Variants in ZNF470 observed in about 807,000 individuals in gnomAD.
The protein encoded by ZNF470 is chondrogenesis zinc finger protein 1.
Under a neutral mutation model 13.9 loss-of-function variants are expected in ZNF470, and 13 were observed. The observed-to-expected ratio is 0.94, with a 90% CI of 0.61 to 1.49. The LOEUF is 1.49. Ranked by LOEUF, ZNF470 falls within the 40% of genes most tolerant of loss-of-function variation. The probability of loss-of-function intolerance (pLI) is 0.00; values close to 1 mark genes in which losing one functional copy is unlikely to be tolerated. For missense variants in ZNF470, 929 were observed against 857.3 expected, an observed-to-expected ratio of 1.08 and a Z score of -1.04; for synonymous variants, 293 against 282.9, an observed-to-expected ratio of 1.04 and a Z score of -0.36.
chr19:56,578,528 C>G lies in ZNF470; in HGVS notation c.2099C>G (p.Thr700Ser). The change falls in exon 6 of 6, where the codon ACC becomes AGC. Residue 700 changes from threonine (T) to serine (S), a missense_variant. Coordinates refer to ENST00000330619, the MANE Select transcript of ZNF470 (RefSeq NM_001001668.4). ...CTTGCTCATCATCAGCGAATTCATA[C>G]CGGAGAGTCATCAGTTATTCTCTCC... ...VHLAHHQRIH[T>S]GESSVILSSA... The G allele has an allele frequency of 1.9e-6, 3 of 1,592,744 alleles. No homozygotes were observed. Among genetic ancestry groups the G allele is most frequent in the Non-Finnish European group, 8.6e-7 (1 of 1,169,492 alleles).
rs575632418 is a variant in ZNF470, at chr19:56,568,792, C to T, written c.-124C>T. 20 of 152,262 alleles carry T rather than the reference C, an allele frequency of 1.3e-4. No individual in the cohort carries two copies. The highest frequency in any genetic ancestry group is 1.0e-3 in the Admixed American group (16 of 15,298). The allele number at this position is 152,262 out of a possible 1,614,324, so 9.4% of individuals were successfully genotyped here. ...CAGAAGCATAGAGAGGATAAGTAAT[C>T]ACTAGCAAGTGGAAGAACCGGGATT... On this transcript the variant is annotated 5_prime_UTR_variant, in exon 2 of 6. Coordinates refer to ENST00000330619, the MANE Select transcript of ZNF470 (RefSeq NM_001001668.4).
At chr19:56,574,031 T>G in intron 3 of ZNF470, 259 of 751,176 alleles carry the variant, frequency 3.4e-4, no homozygotes, top group South Asian at 4.3e-4. Flanking sequence ...CAGAGCTCTT[T>G]AGCTTCTCCA....
chr19:56,578,314 G>A lies in ZNF470; in HGVS notation c.1885G>A (p.Ala629Thr), dbSNP rs1429184661. The A allele has an allele frequency of 6.2e-7, 1 of 1,613,102 alleles. No individual in the cohort carries two copies. The highest frequency in any genetic ancestry group is 1.7e-5 in the Admixed American group (1 of 59,920). ...TTATGAATGTAATGTTTGTGGGAAA[G>A]CCTTTAGCCATCGTAAATCCCTTAC... Reference protein sequence around the residue: ...KPYECNVCGKAFSHRKSLTLH... With the variant: ...KPYECNVCGKTFSHRKSLTLH... The change falls in exon 6 of 6, where the codon GCC (alanine) becomes ACC (threonine). Residue 629 changes from alanine to threonine, a missense_variant. By Grantham distance (58) the Ala-to-Thr change is moderately conservative. Transcript: ENST00000330619.
rs1378522578 is a variant in ZNF470, at chr19:56,579,339, T to C, written c.*756T>C. The stretch of plus-strand genomic sequence containing the variant: ...CAGGAGGCTGAAGCAGGAGGATTGC[T>C]TGAGCCCAGGAGGTAGAGGTTGCAG... On this transcript the variant is annotated 3_prime_UTR_variant, in exon 6 of 6. Transcript: ENST00000330619. The C allele has an allele frequency of 2.5e-5, 18 of 726,686 alleles. No homozygotes were observed. Among genetic ancestry groups the C allele is most frequent in the Non-Finnish European group, 2.9e-5 (17 of 594,250 alleles). 45.0% of individuals were successfully genotyped at this position (726,686 alleles called of 1,614,324 possible).
chr19:56,576,126 A>G (rs1382158514), intron 5 of ZNF470, among the ~76,000 whole-genome samples: 2 of 152,198 alleles, frequency 1.3e-5, no homozygotes, highest in Non-Finnish European at 2.9e-5. Context: ...AATCATGTGA[A>G]TCTATTTTCC....
rs746224654 is a variant in ZNF470, at chr19:56,577,695, G to C, written c.1266G>C (p.Glu422Asp). The C allele has an allele frequency of 8.1e-6, 13 of 1,611,204 alleles. No homozygotes were observed. In the Admixed American group the frequency reaches 2.0e-4, roughly 25 times the overall value. The change falls in exon 6 of 6, where the codon GAG (glutamate) becomes GAC (aspartate). Residue 422 changes from glutamate to aspartate, a missense_variant. By Grantham distance (45) the Glu-to-Asp change is conservative. Transcript: ENST00000330619. ...AGCATAAGAGAACTCATACTGGAGA[G>C]AGACCTTACAAATGTAATGTGTGTG... ...LIQHKRTHTG[E>D]RPYKCNVCGK...
In ZNF470 at chr19:56,571,156, G is replaced by C. The variant is rs2044449248; in HGVS notation, c.60+785G>C. 2.0e-5 allele frequency among the ~76,000 whole-genome samples: 3 copies of C among 152,316 alleles called. No homozygotes were observed. The South Asian group carries it at 6.2e-4, about 32-fold the overall frequency. The stretch of plus-strand genomic sequence containing the variant: ...ATGCAAAGGTTTGTTCTCCCCATTT[G>C]ACCATGGAGCCGTGAACATCTTAAA... On this transcript the variant is annotated intron_variant, in intron 3 of 5. Coordinates refer to ENST00000330619, the MANE Select transcript of ZNF470 (RefSeq NM_001001668.4).
rs2044512142 is a variant in ZNF470 at position 56,578,625 on chromosome 19, C to G, written c.*42C>G. The G allele has an allele frequency of 6.9e-7, 1 of 1,449,860 alleles. No homozygotes were observed. Among genetic ancestry groups the G allele is most frequent in the Non-Finnish European group, 9.1e-7 (1 of 1,097,684 alleles). 89.8% of individuals were successfully genotyped at this position (1,449,860 alleles called of 1,614,324 possible). A position where few individuals can be genotyped will look rare whatever the true frequency, so the allele number is the denominator to read the frequency against. The stretch of plus-strand genomic sequence containing the variant: ...GCTTCTAGCATCCATCTGCTTTTTT[C>G]CAGCACATGTCCCATCATCATAGTC... On this transcript the variant is annotated 3_prime_UTR_variant, in exon 6 of 6. Transcript: ENST00000330619.
At position 56,577,505 on chromosome 19, in the gene ZNF470, G is replaced by A. The variant is rs369287651; in HGVS notation, c.1076G>A (p.Arg359Gln). ...FSDCSSLAHH[R>Q]RIHTGKRPYE... The stretch of plus-strand genomic sequence containing the variant: ...GATTGCTCATCCCTAGCTCATCATC[G>A]AAGGATTCACACTGGGAAAAGACCT... The change falls in exon 6 of 6, where the codon CGA (arginine) becomes CAA (glutamine). Residue 359 changes from arginine (R) to glutamine (Q), a missense_variant. By Grantham distance (43) the Arg-to-Gln change is conservative (BLOSUM62 1). Coordinates refer to ENST00000330619, the MANE Select transcript of ZNF470 (RefSeq NM_001001668.4). The A allele has an allele frequency of 1.2e-5, 19 of 1,612,668 alleles. No homozygotes were observed. The highest frequency in any genetic ancestry group is 3.3e-5 in the Admixed American group (2 of 59,838).
At chr19:56,572,353 A>AT in intron 3 of ZNF470, among the ~76,000 whole-genome samples, 1 of 42,800 alleles carries the variant, frequency 2.3e-5, no homozygotes, top group African/African-American at 2.0e-4. Context: ...AAAAAAAAAA[A>AT]AAAAAAAAAA....
At position 56,574,529 on chromosome 19, in the gene ZNF470, A is replaced by G; in HGVS notation, c.187+9A>G. Reference sequence around the variant, plus strand: ...GAACCTAGTTTCAGTGGGTAAGAGTATCTTCCTCCTGTTGCCTCCCCATGA... The same window carrying G: ...GAACCTAGTTTCAGTGGGTAAGAGTGTCTTCCTCCTGTTGCCTCCCCATGA... On this transcript the variant is annotated intron_variant, in intron 4 of 5. Transcript: ENST00000330619. 3.1e-6 allele frequency: 5 copies of G among 1,613,592 alleles called. No homozygotes were observed. The highest frequency in any genetic ancestry group is 4.2e-6 in the Non-Finnish European group (5 of 1,179,648).
At position 56,576,849 on chromosome 19, in the gene ZNF470, A is replaced by G. The variant is rs2044492122; in HGVS notation, c.420A>G (p.Lys140=). The G allele has an allele frequency of 6.3e-7, 1 of 1,595,118 alleles. No individual in the cohort carries two copies. Among genetic ancestry groups the G allele is most frequent in the Non-Finnish European group, 8.5e-7 (1 of 1,174,460 alleles). The change falls in exon 6 of 6, where the codon AAA becomes AAG. Residue 140 remains lysine (K), a synonymous_variant. Coordinates refer to ENST00000330619, the MANE Select transcript of ZNF470 (RefSeq NM_001001668.4). ...LECSTLGKNW[K]CEDLFERELV... ...GTTCAACATTAGGGAAAAACTGGAA[A>G]TGTGAAGACTTGTTTGAGAGGGAGC...
Position 56,579,106 on chromosome 19 carries a change from A to G in ZNF470, c.*523A>G. On this transcript the variant is annotated 3_prime_UTR_variant, in exon 6 of 6. Transcript: ENST00000330619. Reference sequence around the variant, plus strand: ...AACTCTCACTTTACCTGACACTGAGAAGTGAGAATCAGCCAATTAGAACAA... The same window carrying G: ...AACTCTCACTTTACCTGACACTGAGGAGTGAGAATCAGCCAATTAGAACAA... The G allele has an allele frequency of 1.0e-6, 1 of 985,546 alleles. No individual in the cohort carries two copies. The highest frequency in any genetic ancestry group is 1.2e-6 in the Non-Finnish European group (1 of 830,024). The allele number at this position is 985,546 out of a possible 1,614,324, so 61.1% of individuals were successfully genotyped here.
chr19:56,573,877 T>C (rs951849909), intron 3 of ZNF470: 4 of 680,890 alleles, frequency 5.9e-6, no homozygotes, highest in Non-Finnish European at 7.2e-6. Flanking sequence ...AAGAAAAGAC[T>C]ATAGCTAGGT....
rs1184476617 is a variant in ZNF470 at position 56,581,959 on chromosome 19, T to C, written c.*3376T>C. On this transcript the variant is annotated 3_prime_UTR_variant, in exon 6 of 6. Transcript: ENST00000330619. The stretch of plus-strand genomic sequence containing the variant: ...TTTCCAAGTCTGTGATTCCTCAAAC[T>C]ACCCATTGTCTTTCCGGTACTTGAT... 10 of 985,444 alleles carry C rather than the reference T, an allele frequency of 1.0e-5. No individual in the cohort carries two copies. The highest frequency in any genetic ancestry group is 1.2e-5 in the Non-Finnish European group (10 of 829,934). The allele number at this position is 985,444 out of a possible 1,614,324, so 61.0% of individuals were successfully genotyped here.
At chr19:56,574,270 C>A in intron 3 of ZNF470, 124 bp from the exon 4 acceptor site, 1 of 1,418,892 alleles carries the variant, frequency 7.0e-7, no homozygotes, top group Non-Finnish European at 9.9e-7. Flanking sequence ...TCATTTAGAC[C>A]CTTAGTGCAG....
In ZNF470 at chr19:56,567,619, C is replaced by T. The variant is rs557495352; in HGVS notation, c.-578C>T. The T allele has an allele frequency of 3.0e-6, 3 of 988,540 alleles. No homozygotes were observed. In the South Asian group the frequency reaches 1.4e-4, roughly 46 times the overall value. 61.2% of individuals were successfully genotyped at this position (988,540 alleles called of 1,614,324 possible). A position where few individuals can be genotyped will look rare whatever the true frequency, so the allele number is the denominator to read the frequency against. The stretch of plus-strand genomic sequence containing the variant: ...TGTGGGCGGCGGGCGTGAGCGTGCG[C>T]GTGTGGCCTGGTGGCTGTGAGTGCC... On this transcript the variant is annotated 5_prime_UTR_variant, in exon 1 of 6. Transcript: ENST00000330619.
chr19:56,574,517 G>C lies in ZNF470; in HGVS notation c.184G>C (p.Val62Leu), dbSNP rs773312140. The stretch of plus-strand genomic sequence containing the variant: ...AGAAAACTACAGGAACCTAGTTTCA[G>C]TGGGTAAGAGTATCTTCCTCCTGTT... ...MLENYRNLVS[V>L]GLCISKPDVI... The change falls in exon 4 of 6, where the codon GTG becomes CTG. Residue 62 changes from valine to leucine, a missense_variant. Val to Leu is a conservative substitution (Grantham distance 32, BLOSUM62 1). Coordinates refer to ENST00000330619, the MANE Select transcript of ZNF470 (RefSeq NM_001001668.4). The C allele has an allele frequency of 6.2e-7, 1 of 1,613,732 alleles. No individual in the cohort carries two copies. Among genetic ancestry groups the C allele is most frequent in the Admixed American group, 1.7e-5 (1 of 60,020 alleles).
rs561669647 is a variant in ZNF470 at position 56,573,833 on chromosome 19, C to T, written c.61-561C>T. 1.5e-4 allele frequency: 59 copies of T among 385,572 alleles called. No individual in the cohort carries two copies. In the East Asian group the frequency reaches 9.3e-3, roughly 61 times the overall value. The allele number at this position is 385,572 out of a possible 1,614,324, so 23.9% of individuals were successfully genotyped here. A position where few individuals can be genotyped will look rare whatever the true frequency, so the allele number is the denominator to read the frequency against. On this transcript the variant is annotated intron_variant, in intron 3 of 5. Transcript: ENST00000330619. ...TGAAAAACAACTTTTCAAATGTGTTCTTCTCTCCTAATACAAATATACTTT... is the reference window on the plus strand; with the variant it reads ...TGAAAAACAACTTTTCAAATGTGTTTTTCTCTCCTAATACAAATATACTTT...
Sources: gnomAD v4.1 joint callset for allele counts (sites outside exome capture counted in the v4.1 genomes callset) on GRCh38, gnomAD v4.1.1 for gene constraint, MANE v1.5 for transcripts, NCBI Gene and HGNC (gene_info 2026-07-23, HGNC 2026-07-21) for gene names.